Variants in NELL1 observed in about 807,000 individuals in gnomAD.
NELL1 encodes protein kinase C-binding protein NELL1.
Under a neutral mutation model 107.4 loss-of-function variants are expected in NELL1, and 76 were observed. The ratio of observed to expected loss-of-function variants is 0.71; its 90% CI spans 0.59 to 0.86. The LOEUF (loss-of-function observed/expected upper bound fraction) is 0.86. Ranked by LOEUF, NELL1 falls within the 40% of genes least tolerant of loss-of-function variation. The pLI, the probability that NELL1 is intolerant of heterozygous loss-of-function variation, is 0.00. For missense variants in NELL1, 1,024 were observed against 1,005.5 expected (o/e 1.02, Z -0.25); for synonymous variants, 353 against 341.2 (o/e 1.03, Z -0.38).
At chr11:20,798,146 A>G (rs1857210841) in intron 3 of NELL1, among the ~76,000 whole-genome samples, 1 of 152,200 alleles carries the variant, frequency 6.6e-6, no homozygotes, top group South Asian at 2.1e-4. Flanking sequence ...TGCATTGGGA[A>G]GTAGCAATTT....
intron 15 of NELL1, among the ~76,000 whole-genome samples, chr11:21,394,916 A>G (rs564158759): frequency 4.6e-5 from 7 of 151,638 alleles, no homozygotes; most frequent in African/African-American, 1.4e-4. Flanking sequence ...AGCCAGAATC[A>G]CTAGTTTCTT....
intron 13 of NELL1, among the ~76,000 whole-genome samples, chr11:21,190,527 G>A (rs1453414084): frequency 6.6e-6 from 1 of 151,776 alleles, no homozygotes; most frequent in Non-Finnish European, 1.5e-5. Context: ...ATCAGCCCAA[G>A]GAAGCTGCAG....
At chr11:20,988,823 G>A (rs1027149326) in intron 12 of NELL1, among the ~76,000 whole-genome samples, 7 of 151,776 alleles carry the variant, frequency 4.6e-5, no homozygotes, top group Admixed American at 2.6e-4. Flanking sequence ...TCCTGACCTC[G>A]TGATCCGCCT....
chr11:20,947,449 G>T lies in NELL1; in HGVS notation c.1171+14G>T, dbSNP rs375057595. On this transcript the variant is annotated intron_variant, in intron 11 of 19. Transcript: ENST00000357134. ...GTGTCTGTAGAGGTAAGTGGGCTTG[G>T]TGGTGGGCCATGCGTGGGGTGAGGC... The T allele has an allele frequency of 1.3e-5, 21 of 1,602,760 alleles. No homozygotes were observed. Among genetic ancestry groups the T allele is most frequent in the Non-Finnish European group, 1.8e-5 (21 of 1,169,848 alleles).
chr11:20,695,676 G>A (rs1040339573), intron 2 of NELL1, among the ~76,000 whole-genome samples: 10 of 152,162 alleles, frequency 6.6e-5, no homozygotes, highest in South Asian at 2.1e-4. Flanking sequence ...CTGTTTGCTC[G>A]TATTTTGTTG....
chr11:21,149,159 T>C (rs2133783610), intron 13 of NELL1, among the ~76,000 whole-genome samples: 1 of 152,348 alleles, frequency 6.6e-6, no homozygotes, highest in East Asian at 1.9e-4. Context: ...AGTTTGACTC[T>C]GCTCTGTTGA....
intron 15 of NELL1, among the ~76,000 whole-genome samples, chr11:21,494,042 T>G (rs995556800): frequency 3.9e-5 from 6 of 151,962 alleles, no homozygotes; most frequent in Non-Finnish European, 7.4e-5. Flanking sequence ...TTTCTGTAGC[T>G]AAGCAATATA....
At chr11:21,297,367 C>T (rs1454015) in intron 14 of NELL1, among the ~76,000 whole-genome samples, 52,904 of 151,828 alleles carry the variant, frequency 0.35, 10,497 homozygotes, top group Non-Finnish European at 0.46. Flanking sequence ...ATTTATAAAA[C>T]ATGTAATTTC....
chr11:20,727,534 C>T (rs1266268174), intron 2 of NELL1, among the ~76,000 whole-genome samples: 2 of 152,142 alleles, frequency 1.3e-5, no homozygotes, highest in Non-Finnish European at 2.9e-5. Context: ...AATTTTCTCC[C>T]ATTCTGTAGG....
intron 9 of NELL1, among the ~76,000 whole-genome samples, chr11:20,933,836 C>T (rs57427030): frequency 0.011 from 1,615 of 152,160 alleles, 30 homozygotes; most frequent in African/African-American, 0.037. Flanking sequence ...AGGTGTCTGT[C>T]GGTGCAAAAA....
At chr11:20,899,160 A>C (rs1001743799) in intron 5 of NELL1, among the ~76,000 whole-genome samples, 2 of 152,062 alleles carry the variant, frequency 1.3e-5, no homozygotes, top group East Asian at 3.8e-4. Flanking sequence ...ATATATATAC[A>C]CACACACATA....
intron 15 of NELL1, among the ~76,000 whole-genome samples, chr11:21,418,659 A>G (rs1247503587): frequency 6.6e-6 from 1 of 152,076 alleles, no homozygotes. Flanking sequence ...TTGAAGAAAT[A>G]TACTTCCCAC....
At chr11:21,065,835 T>G (rs1260441653) in intron 12 of NELL1, among the ~76,000 whole-genome samples, 1 of 152,166 alleles carries the variant, frequency 6.6e-6, no homozygotes, top group African/African-American at 2.4e-5. Context: ...AAAGAGGAAA[T>G]AGTTAAGAAA....
At chr11:20,731,063 T>A (rs1855627394) in intron 2 of NELL1, among the ~76,000 whole-genome samples, 1 of 137,302 alleles carries the variant, frequency 7.3e-6, no homozygotes, top group African/African-American at 2.7e-5. Flanking sequence ...GGAGAGTTAA[T>A]CGGTATGTAT....
intron 16 of NELL1, among the ~76,000 whole-genome samples, chr11:21,536,871 T>C (rs1453966985): frequency 3.3e-5 from 5 of 152,132 alleles, no homozygotes; most frequent in African/African-American, 1.2e-4. Context: ...CTCATAAATG[T>C]CTCTGGCACC....
At chr11:20,817,142 T>C (rs1857640213) in intron 3 of NELL1, among the ~76,000 whole-genome samples, 1 of 152,194 alleles carries the variant, frequency 6.6e-6, no homozygotes, top group Non-Finnish European at 1.5e-5. Flanking sequence ...ATCAGGGTGA[T>C]GTTGACTTCT....
At chr11:21,544,104 C>T (rs1217026739) in intron 16 of NELL1, among the ~76,000 whole-genome samples, 1 of 151,922 alleles carries the variant, frequency 6.6e-6, no homozygotes, top group Admixed American at 6.6e-5. Context: ...TGACATGAAG[C>T]AATACAGGCA....
intron 5 of NELL1, among the ~76,000 whole-genome samples, chr11:20,892,490 G>A (rs1040699319): frequency 6.6e-6 from 1 of 152,220 alleles, no homozygotes; most frequent in Admixed American, 6.5e-5. Context: ...TGGTGGGAAT[G>A]CAAATTAGTT....
At chr11:21,014,004 GA>G (rs1020891982) in intron 12 of NELL1, among the ~76,000 whole-genome samples, 36 of 152,134 alleles carry the variant, frequency 2.4e-4, no homozygotes, top group African/African-American at 6.0e-4. Context: ...TATTGAGGAG[GA>G]AGACTCATTG....
Sources: allele counts gnomAD v4.1 joint callset (sites outside exome capture counted in the v4.1 genomes callset), GRCh38; gene constraint gnomAD v4.1.1; transcripts MANE v1.5; gene names NCBI Gene and HGNC (gene_info 2026-07-23, HGNC 2026-07-21).